Variants in EVI5 observed in about 807,000 individuals in gnomAD.
EVI5 encodes ecotropic viral integration site 5.
In EVI5, 73 loss-of-function variants were observed where a neutral mutation model predicts 112.0. That is an observed-to-expected ratio of 0.65 (90% CI 0.54 to 0.79). EVI5 has a LOEUF of 0.79. Ranked by LOEUF, EVI5 falls within the 30% of genes least tolerant of loss-of-function variation. The pLI, the probability that EVI5 is intolerant of heterozygous loss-of-function variation, is 0.00. For synonymous variants in EVI5, 305 were observed against 319.9 expected, an observed-to-expected ratio of 0.95 and a Z score of 0.50; for missense variants, 900 against 968.8, an observed-to-expected ratio of 0.93 and a Z score of 0.94.
chr1:92,647,091 T>A (rs1012670289), intron 13 of EVI5: 7 of 187,452 alleles, frequency 3.7e-5, no homozygotes, highest in South Asian at 2.2e-4. Context: ...CTTCCTCACA[T>A]CTTCTTTGAC....
intron 18 of EVI5, among the ~76,000 whole-genome samples, chr1:92,585,219 T>C (rs1203064787): frequency 6.8e-5 from 2 of 29,360 alleles, no homozygotes; most frequent in African/African-American, 2.9e-4. Flanking sequence ...TGAGACTCCA[T>C]CTCAAAAAAA....
At position 92,551,602 on chromosome 1, in the gene EVI5, A is replaced by G. The variant is rs6603985; in HGVS notation, c.2166+12040T>C. 6.0e-3 allele frequency among the ~76,000 whole-genome samples: 908 copies of G among 152,102 alleles called. 9 individuals carry two copies. The highest frequency in any genetic ancestry group is 0.019 in the African/African-American group (800 of 41,526). On this transcript the variant is annotated intron_variant, in intron 19 of 19. Transcript: ENST00000684568. ...AGTATCACTCAAATGATAAATATGCATAATACTACAGTCATGCTAAAAGTT... is the reference window on the plus strand; with the variant it reads ...AGTATCACTCAAATGATAAATATGCGTAATACTACAGTCATGCTAAAAGTT...
rs987894727 is a variant in EVI5, at chr1:92,704,125, C to T, written c.339+430G>A. On this transcript the variant is annotated intron_variant, in intron 3 of 19. Coordinates refer to ENST00000684568, the MANE Select transcript of EVI5 (RefSeq NM_001350197.2). ...AGGAGTTTGAGACCAGCCTGGGCAA[C>T]AAAGCAAGACCCTATCTCTACAAAA... 4.6e-5 allele frequency among the ~76,000 whole-genome samples: 7 copies of T among 151,760 alleles called. No individual in the cohort carries two copies. The South Asian group carries it at 1.3e-3, about 27-fold the overall frequency.
intron 19 of EVI5, among the ~76,000 whole-genome samples, chr1:92,531,605 C>T (rs1221027607): frequency 6.6e-6 from 1 of 152,222 alleles, no homozygotes; most frequent in Non-Finnish European, 1.5e-5. Flanking sequence ...AGAAATCCTA[C>T]AAACCAGAAG....
chr1:92,563,700 G>T lies in EVI5; in HGVS notation c.2108C>A (p.Ser703Tyr). 1.2e-6 allele frequency: 2 copies of T among 1,609,750 alleles called. No homozygotes were observed. Among genetic ancestry groups the T allele is most frequent in the Non-Finnish European group, 1.7e-6 (2 of 1,177,218 alleles). ...TTCCCCAATATACTGGTTAGAATCAGACTTGTTAAGCTGTCCTTGAAGCTT... is the reference window on the plus strand; with the variant it reads ...TTCCCCAATATACTGGTTAGAATCATACTTGTTAAGCTGTCCTTGAAGCTT... The part of the protein sequence containing the change: ...EGKLQGQLNK[S>Y]DSNQYIGELK... Residue 703 changes from serine (S) to tyrosine (Y), a missense_variant, in exon 19 of 20, where the codon TCT (serine) becomes TAT (tyrosine). Physicochemically the swap from Ser to Tyr is moderately radical, Grantham distance 144. Coordinates refer to ENST00000684568, the MANE Select transcript of EVI5 (RefSeq NM_001350197.2).
chr1:92,559,063 A>G (rs138988949), intron 19 of EVI5, among the ~76,000 whole-genome samples: 2 of 152,246 alleles, frequency 1.3e-5, no homozygotes, highest in East Asian at 3.9e-4. Context: ...CAAATGGCAT[A>G]TTTGCATATA....
chr1:92,583,033 C>G (rs1298059069), intron 18 of EVI5, among the ~76,000 whole-genome samples: 1 of 152,070 alleles, frequency 6.6e-6, no homozygotes, highest in Non-Finnish European at 1.5e-5. Context: ...CATATACTCA[C>G]AAATGCTTTT....
intron 19 of EVI5, among the ~76,000 whole-genome samples, chr1:92,547,587 G>A (rs1218719501): frequency 6.6e-6 from 1 of 151,492 alleles, no homozygotes; most frequent in African/African-American, 2.4e-5. Flanking sequence ...CAACAAAATA[G>A]ATAGACCGCT....
At chr1:92,553,297 ATTT>A (rs147973775) in intron 19 of EVI5, among the ~76,000 whole-genome samples, 1 of 74,210 alleles carries the variant, frequency 1.3e-5, no homozygotes, top group Non-Finnish European at 2.4e-5. Flanking sequence ...CACCTGGCCA[ATTT>A]TTTTTTTTTT....
chr1:92,709,518 AAAGG>A (rs1328409639), intron 2 of EVI5, among the ~76,000 whole-genome samples: 3 of 152,202 alleles, frequency 2.0e-5, no homozygotes, highest in Non-Finnish European at 4.4e-5. Context: ...TTTTATAAAT[AAAGG>A]AAGATATAAA....
In EVI5 at chr1:92,703,647, G is replaced by C. The variant is rs778475455; in HGVS notation, c.340-28C>G. ...AAAAATAAAATAAAATTACAAAAAT[G>C]AATTATTTAAGTGTCCTATCTTGCA... On this transcript the variant is annotated intron_variant, in intron 3 of 19. Transcript: ENST00000684568. 1.8e-5 allele frequency: 25 copies of C among 1,396,036 alleles called. 2 individuals are homozygous for C. The South Asian group carries it at 3.2e-4, about 18-fold the overall frequency. The allele number at this position is 1,396,036 out of a possible 1,614,324, so 86.5% of individuals were successfully genotyped here. A position where few individuals can be genotyped will look rare whatever the true frequency, so the allele number is the denominator to read the frequency against.
intron 14 of EVI5, among the ~76,000 whole-genome samples, chr1:92,635,861 A>G (rs927887607): frequency 2.0e-5 from 3 of 152,154 alleles, no homozygotes; most frequent in Admixed American, 6.5e-5. Flanking sequence ...CCACATGAAA[A>G]TATTGCAATA....
At chr1:92,566,081 C>T (rs1231807704) in intron 18 of EVI5, among the ~76,000 whole-genome samples, 1 of 151,896 alleles carries the variant, frequency 6.6e-6, no homozygotes, top group African/African-American at 2.4e-5. Context: ...CTCTAACTAC[C>T]CTTAGTTTGT....
chr1:92,633,178 G>A (rs1572004648), intron 14 of EVI5, among the ~76,000 whole-genome samples: 1 of 152,322 alleles, frequency 6.6e-6, no homozygotes, highest in African/African-American at 2.4e-5. Context: ...TTCTGTAGAT[G>A]TCTATTAGGT....
intron 5 of EVI5, among the ~76,000 whole-genome samples, chr1:92,700,636 G>C (rs1472048591): frequency 1.3e-5 from 2 of 152,128 alleles, no homozygotes; most frequent in Admixed American, 1.3e-4. Flanking sequence ...AGGATTCACA[G>C]GATCCACAGG....
chr1:92,570,564 G>A (rs985731664), intron 18 of EVI5, among the ~76,000 whole-genome samples: 1 of 152,132 alleles, frequency 6.6e-6, no homozygotes, highest in Non-Finnish European at 1.5e-5. Context: ...AATATTTTCA[G>A]GGCAAATAAG....
intron 14 of EVI5, among the ~76,000 whole-genome samples, chr1:92,629,233 G>T (rs192573184): frequency 2.4e-4 from 37 of 152,212 alleles, no homozygotes; most frequent in Admixed American, 1.5e-3. Context: ...AAATAGGAAG[G>T]AGCTTTCTAG....
At chr1:92,660,735 A>G (rs1380454442) in intron 13 of EVI5, among the ~76,000 whole-genome samples, 1 of 152,050 alleles carries the variant, frequency 6.6e-6, no homozygotes, top group Non-Finnish European at 1.5e-5. Context: ...CACATACCTT[A>G]CAATTCTATT....
intron 14 of EVI5, among the ~76,000 whole-genome samples, chr1:92,629,566 T>G (rs1208788902): frequency 2.0e-5 from 3 of 152,222 alleles, no homozygotes; most frequent in Non-Finnish European, 2.9e-5. Context: ...CTTCTGTAAG[T>G]ACATTCAGGC....
Sources: gnomAD v4.1 joint callset for allele counts (sites outside exome capture counted in the v4.1 genomes callset) on GRCh38, gnomAD v4.1.1 for gene constraint, MANE v1.5 for transcripts, NCBI Gene and HGNC (gene_info 2026-07-23, HGNC 2026-07-21) for gene names.